The following DCHS2 variants were observed in gnomAD, a reference collection of about 807,000 sequenced individuals.
The protein encoded by DCHS2 is dachsous cadherin-related 2.
DCHS2 carries 142 observed loss-of-function variants against 182.4 expected under a neutral mutation model. The observed-to-expected ratio is 0.78, with a 90% CI of 0.68 to 0.89. The LOEUF is 0.89. DCHS2 is among the 40% of genes least tolerant of loss of function. The pLI is 0.00. For synonymous variants in DCHS2, 1,740 were observed against 1,663.3 expected, an observed-to-expected ratio of 1.05 and a Z score of -1.12; for missense variants, 4,319 against 4,198.6, an observed-to-expected ratio of 1.03 and a Z score of -0.79.
chr4:154,295,533 C>CA (rs1263783491), intron 13 of DCHS2, among the ~76,000 whole-genome samples: 1 of 151,934 alleles, frequency 6.6e-6, no homozygotes, highest in African/African-American at 2.4e-5. Flanking sequence ...GGTTTGAAGA[C>CA]AAAAAAAGAC....
intron 1 of DCHS2, among the ~76,000 whole-genome samples, chr4:154,378,215 A>C (rs1393382268): frequency 6.6e-6 from 1 of 152,108 alleles, no homozygotes; most frequent in Non-Finnish European, 1.5e-5. Context: ...GAAAAGATGA[A>C]GCAAGTGAAA....
intron 1 of DCHS2, among the ~76,000 whole-genome samples, chr4:154,445,146 CTTCA>C (rs1396366770): frequency 6.6e-6 from 1 of 152,136 alleles, no homozygotes; most frequent in Non-Finnish European, 1.5e-5. Flanking sequence ...GTTGTTACTT[CTTCA>C]TTATCTTTCT....
At chr4:154,312,078 A>C (rs1248323572) in intron 10 of DCHS2, among the ~76,000 whole-genome samples, 1 of 152,164 alleles carries the variant, frequency 6.6e-6, no homozygotes, top group African/African-American at 2.4e-5. Flanking sequence ...GATTAGCAGA[A>C]ATACTGCAGC....
intron 16 of DCHS2, among the ~76,000 whole-genome samples, chr4:154,248,658 G>A (rs977734887): frequency 7.4e-5 from 4 of 54,114 alleles, no homozygotes; most frequent in Non-Finnish European, 2.2e-4. Flanking sequence ...AAGAAAGCCG[G>A]AGGCACCATA....
chr4:154,396,859 C>T (rs1358750125), intron 1 of DCHS2, among the ~76,000 whole-genome samples: 1 of 152,144 alleles, frequency 6.6e-6, no homozygotes. Context: ...GGTAATCTTC[C>T]CTTCCTCTGA....
chr4:154,259,750 A>G lies in DCHS2; in HGVS notation c.6584T>C (p.Leu2195Pro). Residue 2195 changes from leucine to proline, a missense_variant, in exon 15 of 20, where the codon CTC (leucine) becomes CCC (proline). Physicochemically the swap from Leu to Pro is moderately conservative, Grantham distance 98. Transcript: ENST00000357232. ...VLSLCSKSGQ[L>P]TVKEPKFLDF... ...AAGAAACTTGGGTTCTTTCACAGTGAGTTGTCCTATTTTTATTTCCAAGGA... is the reference window on the plus strand; with the variant it reads ...AAGAAACTTGGGTTCTTTCACAGTGGGTTGTCCTATTTTTATTTCCAAGGA... 1 of 1,609,694 alleles carries G rather than the reference A, an allele frequency of 6.2e-7. No homozygotes were observed. Among genetic ancestry groups the G allele is most frequent in the Non-Finnish European group, 8.5e-7 (1 of 1,178,730 alleles).
chr4:154,450,248 C>T (rs899051034), intron 1 of DCHS2, among the ~76,000 whole-genome samples: 2 of 152,090 alleles, frequency 1.3e-5, no homozygotes, highest in African/African-American at 4.8e-5. Context: ...TTATAAGTGC[C>T]AAAGAATAGA....
intron 1 of DCHS2, among the ~76,000 whole-genome samples, chr4:154,463,484 A>C (rs1445798648): frequency 6.6e-6 from 1 of 152,128 alleles, no homozygotes; most frequent in African/African-American, 2.4e-5. Flanking sequence ...ACTAAGTAGG[A>C]GCATGTAATA....
In DCHS2 at chr4:154,235,078, CCT is replaced by C; in HGVS notation, c.9572_9573del (p.Glu3191GlyfsTer8). ...NVLPQTVQKR[E>X]AKESILADVR... ...ACGTCAGCCAGGATGCTCTCTTTTG[CCT>C]CTCTCTTCTGAACTGTCTGGGGTAA... On this transcript the variant is annotated frameshift_variant, in exon 20 of 20. Coordinates refer to ENST00000357232, the MANE Select transcript of DCHS2 (RefSeq NM_001358235.2). LOFTEE classifies it low-confidence loss of function (END_TRUNC). 6.2e-7 allele frequency: 1 copy of C among 1,613,946 alleles called. No individual in the cohort carries two copies. The highest frequency in any genetic ancestry group is 1.1e-5 in the South Asian group (1 of 91,064).
chr4:154,443,268 A>T (rs536993878), intron 1 of DCHS2, among the ~76,000 whole-genome samples: 1 of 152,288 alleles, frequency 6.6e-6, no homozygotes, highest in South Asian at 2.1e-4. Flanking sequence ...ACACTGGCTC[A>T]TCTCCCTTAA....
At chr4:154,484,399 C>T (rs1022559146) in intron 1 of DCHS2, among the ~76,000 whole-genome samples, 3 of 152,004 alleles carry the variant, frequency 2.0e-5, no homozygotes, top group Admixed American at 1.3e-4. Context: ...CATTATCTCC[C>T]ATGTATTTCC....
At chr4:154,303,607 A>G (rs1735311036) in intron 12 of DCHS2, among the ~76,000 whole-genome samples, 1 of 152,034 alleles carries the variant, frequency 6.6e-6, no homozygotes, top group African/African-American at 2.4e-5. Flanking sequence ...CTGATAATGC[A>G]ATGCTGTTGG....
At chr4:154,276,792 G>C (rs1448307609) in intron 13 of DCHS2, among the ~76,000 whole-genome samples, 2 of 152,214 alleles carry the variant, frequency 1.3e-5, no homozygotes, top group African/African-American at 4.8e-5. Context: ...TGCAAAAGCA[G>C]TTAAGAAGTC....
At chr4:154,347,813 T>C (rs979474161) in intron 3 of DCHS2, among the ~76,000 whole-genome samples, 6 of 151,914 alleles carry the variant, frequency 3.9e-5, no homozygotes, top group African/African-American at 1.2e-4. Flanking sequence ...CAATCTGACC[T>C]GGTAGCCTGC....
chr4:154,271,600 C>T (rs879671324), intron 13 of DCHS2, among the ~76,000 whole-genome samples: 8 of 152,086 alleles, frequency 5.3e-5, no homozygotes, highest in Non-Finnish European at 1.0e-4. Context: ...CTACAGCAGC[C>T]GGAAGGGTCC....
chr4:154,378,476 AGAAG>A (rs1233021584), intron 1 of DCHS2, among the ~76,000 whole-genome samples: 1 of 82,898 alleles, frequency 1.2e-5, no homozygotes, highest in Non-Finnish European at 2.8e-5. Flanking sequence ...AAGGAAGGAA[AGAAG>A]GAAGGAGGGA....
In DCHS2 at chr4:154,491,702, G is replaced by C. The variant is rs1728844268; in HGVS notation, c.-347C>G. On this transcript the variant is annotated 5_prime_UTR_variant, in exon 1 of 20. Transcript: ENST00000357232. ...CGGCTGGTTGTTCCCCCCTGGTAAA[G>C]TCAGGTGCATTATTTCTTTTGCCAA... 9.0e-7 allele frequency: 1 copy of C among 1,111,816 alleles called. No individual in the cohort carries two copies. The highest frequency in any genetic ancestry group is 1.1e-6 in the Non-Finnish European group (1 of 912,998). The allele number at this position is 1,111,816 out of a possible 1,614,324, so 68.9% of individuals were successfully genotyped here. A position where few individuals can be genotyped will look rare whatever the true frequency, so the allele number is the denominator to read the frequency against.
At chr4:154,280,850 CAG>C (rs1734101483) in intron 13 of DCHS2, among the ~76,000 whole-genome samples, 1 of 145,378 alleles carries the variant, frequency 6.9e-6, no homozygotes, top group Non-Finnish European at 1.5e-5. Flanking sequence ...TTTTTAAAGA[CAG>C]AGTCTTACTC....
At chr4:154,354,015 G>A (rs13139189) in intron 3 of DCHS2, among the ~76,000 whole-genome samples, 47,205 of 151,932 alleles carry the variant, frequency 0.31, 8,691 homozygotes, top group Non-Finnish European at 0.42. Flanking sequence ...CACCCTCCGC[G>A]TCCTGGGCTC....
Sources: gnomAD v4.1 joint callset for allele counts (sites outside exome capture counted in the v4.1 genomes callset) on GRCh38, gnomAD v4.1.1 for gene constraint, MANE v1.5 for transcripts, NCBI Gene and HGNC (gene_info 2026-07-23, HGNC 2026-07-21) for gene names.